MAP3K5: variants seen among roughly 807,000 people sequenced by gnomAD.
MAP3K5 encodes mitogen-activated protein kinase kinase kinase 5, also known as ASK-1.
Under a neutral mutation model 158.7 loss-of-function variants are expected in MAP3K5, and 56 were observed. The observed-to-expected ratio is 0.35, with a 90% CI of 0.28 to 0.44. The LOEUF is 0.44. Among genes scored for constraint, MAP3K5 ranks in the 20% least tolerant of loss-of-function variants. The pLI is 1.00. For synonymous variants in MAP3K5, 579 were observed against 601.7 expected, an observed-to-expected ratio of 0.96 and a Z score of 0.55; for missense variants, 1,294 against 1,674.8, an observed-to-expected ratio of 0.77 and a Z score of 3.97.
intron 1 of MAP3K5, among the ~76,000 whole-genome samples, chr6:136,722,674 C>CTT (rs372343492): frequency 0.016 from 1,828 of 115,550 alleles, 36 homozygotes; most frequent in South Asian, 0.022. Context: ...TTTTTTTTTC[C>CTT]TTTTTTTTTT....
rs937915223 is a variant in MAP3K5 at position 136,792,375 on chromosome 6, G to A, written c.-218C>T. The A allele has an allele frequency of 1.6e-5, 16 of 999,498 alleles. No homozygotes were observed. The African/African-American group carries it at 2.4e-4, about 15-fold the overall frequency. 61.9% of individuals were successfully genotyped at this position (999,498 alleles called of 1,614,324 possible). On this transcript the variant is annotated 5_prime_UTR_variant, in exon 1 of 30. Coordinates refer to ENST00000359015, the MANE Select transcript of MAP3K5 (RefSeq NM_005923.4). This position sits in a 1 kb window ranked among gnomAD's most constrained non-coding sequence, Gnocchi z 5.7. ...GCTCCTCCTCGGCGCCTCCGTGGCCGCGCCGCTCGCCCTCTGCAGAGTTTA... is the reference window on the plus strand; with the variant it reads ...GCTCCTCCTCGGCGCCTCCGTGGCCACGCCGCTCGCCCTCTGCAGAGTTTA...
intron 8 of MAP3K5, among the ~76,000 whole-genome samples, chr6:136,667,679 T>A (rs1779287018): frequency 6.6e-6 from 1 of 151,930 alleles, no homozygotes. Flanking sequence ...CAAAACCTCA[T>A]CTTTACAAAA....
At chr6:136,602,641 G>C (rs911145135) in intron 19 of MAP3K5, among the ~76,000 whole-genome samples, 1 of 152,200 alleles carries the variant, frequency 6.6e-6, no homozygotes, top group Non-Finnish European at 1.5e-5. Context: ...CAGTAGCTAA[G>C]TGCTGGGCAT....
chr6:136,665,599 G>A (rs1423107257), intron 8 of MAP3K5, among the ~76,000 whole-genome samples: 4 of 152,032 alleles, frequency 2.6e-5, no homozygotes, highest in Non-Finnish European at 5.9e-5. Flanking sequence ...ACCCGCCTCC[G>A]CCTCCCAAAG....
chr6:136,746,101 A>C (rs375789404), intron 1 of MAP3K5, among the ~76,000 whole-genome samples: 301 of 152,316 alleles, frequency 2.0e-3, no homozygotes, highest in African/African-American at 6.7e-3. Flanking sequence ...CAGTTTTGGA[A>C]GAGTGTCAGA....
chr6:136,619,994 G>T (rs1261617376), intron 15 of MAP3K5, among the ~76,000 whole-genome samples: 2 of 152,230 alleles, frequency 1.3e-5, no homozygotes, highest in African/African-American at 4.8e-5. Flanking sequence ...TCACGGCCTG[G>T]CGTGGTGGCT....
At chr6:136,564,991 G>C (rs1037596455) in intron 26 of MAP3K5, among the ~76,000 whole-genome samples, 1 of 152,156 alleles carries the variant, frequency 6.6e-6, no homozygotes, top group African/African-American at 2.4e-5. Context: ...TTCTGGCCAC[G>C]AGGCATCCCT....
At chr6:136,746,813 C>T (rs1228683488) in intron 1 of MAP3K5, among the ~76,000 whole-genome samples, 1 of 152,228 alleles carries the variant, frequency 6.6e-6, no homozygotes, top group Admixed American at 6.5e-5. Flanking sequence ...CGTCTGTGCT[C>T]TAAGAATGGT....
In MAP3K5 at chr6:136,663,031, T is replaced by C. The variant is rs183525650; in HGVS notation, c.1367-3653A>G. The stretch of plus-strand genomic sequence containing the variant: ...CAGCTGTTATTATGTTCAAGGCTGT[T>C]TTAGTGGAAAATGGCAGACTTTACT... On this transcript the variant is annotated intron_variant, in intron 8 of 29. Transcript: ENST00000359015. 5.8e-4 allele frequency among the ~76,000 whole-genome samples: 89 copies of C among 152,330 alleles called. 2 individuals carry two copies. The highest frequency in any genetic ancestry group is 2.0e-3 in the African/African-American group (85 of 41,578).
intron 25 of MAP3K5, 65 bp downstream of exon 25, chr6:136,580,236 C>T: frequency 9.3e-7 from 1 of 1,076,910 alleles, no homozygotes; most frequent in Non-Finnish European, 1.4e-6. Flanking sequence ...TCAGAAATAA[C>T]AGATGAACAG....
At chr6:136,755,117 C>T (rs1405999460) in intron 1 of MAP3K5, among the ~76,000 whole-genome samples, 1 of 152,050 alleles carries the variant, frequency 6.6e-6, no homozygotes, top group Non-Finnish European at 1.5e-5. Flanking sequence ...AAATGCTAAG[C>T]TGATAATGGC....
At chr6:136,713,350 G>T (rs1415244820) in intron 2 of MAP3K5, among the ~76,000 whole-genome samples, 2 of 152,184 alleles carry the variant, frequency 1.3e-5, no homozygotes, top group South Asian at 2.1e-4. Flanking sequence ...CAGTGGGCAA[G>T]GAGTGAGGGT....
At chr6:136,559,020 T>C in intron 28 of MAP3K5, 144 bp from the exon 29 acceptor site, 1 of 596,846 alleles carries the variant, frequency 1.7e-6, no homozygotes, top group Non-Finnish European at 2.9e-6. Context: ...CCAGGATTAT[T>C]AGGGGAAAGG....
chr6:136,758,595 T>A (rs1034288980), intron 1 of MAP3K5, among the ~76,000 whole-genome samples: 3 of 152,242 alleles, frequency 2.0e-5, no homozygotes, highest in Non-Finnish European at 4.4e-5. Context: ...ATCTAGATTC[T>A]TAGACTTCAG....
intron 8 of MAP3K5, among the ~76,000 whole-genome samples, chr6:136,661,132 T>G (rs189712004): frequency 2.1e-3 from 326 of 152,348 alleles, no homozygotes; most frequent in Non-Finnish European, 3.5e-3. Context: ...TATGTGTCCA[T>G]TTTATATTTG....
At chr6:136,667,897 G>T (rs13195420) in intron 8 of MAP3K5, among the ~76,000 whole-genome samples, 1 of 151,506 alleles carries the variant, frequency 6.6e-6, no homozygotes. Flanking sequence ...TAATACCCCT[G>T]CTATCCCACA....
intron 2 of MAP3K5, among the ~76,000 whole-genome samples, chr6:136,715,655 A>T (rs563632483): frequency 6.6e-6 from 1 of 152,300 alleles, no homozygotes; most frequent in South Asian, 2.1e-4. Context: ...TTTTACCCCA[A>T]CACTGTTGTT....
intron 23 of MAP3K5, among the ~76,000 whole-genome samples, chr6:136,589,705 G>A (rs1350366323): frequency 1.3e-5 from 2 of 152,176 alleles, no homozygotes; most frequent in Non-Finnish European, 2.9e-5. Flanking sequence ...AGAAGAGGAA[G>A]AGACACCAGG....
intron 1 of MAP3K5, among the ~76,000 whole-genome samples, chr6:136,758,761 G>A (rs987005859): frequency 3.3e-5 from 5 of 152,230 alleles, no homozygotes; most frequent in African/African-American, 1.2e-4. Context: ...ATTCTGCCTT[G>A]ATTAAAACTG....
Sources: allele counts gnomAD v4.1 joint callset (sites outside exome capture counted in the v4.1 genomes callset), GRCh38; gene constraint gnomAD v4.1.1; non-coding constraint Gnocchi (gnomAD v3.1); transcripts MANE v1.5; gene names NCBI Gene and HGNC (gene_info 2026-07-23, HGNC 2026-07-21).